ABTB3: variants seen among roughly 807,000 people sequenced by gnomAD.
The protein encoded by ABTB3 is ankyrin repeat and BTB domain containing 3, also known as ankyrin repeat- and BTB/POZ domain-containing protein 3.
chr12:107,435,873 G>T, the ABTB3 span, among the ~76,000 whole-genome samples: 1 of 152,176 alleles, frequency 6.6e-6, no homozygotes, highest in Admixed American at 6.5e-5. Context: ...CTGTATCTGT[G>T]CTGTCCAACA....
chr12:107,450,741 G>T, the ABTB3 span, among the ~76,000 whole-genome samples: 9 of 152,228 alleles, frequency 5.9e-5, no homozygotes, highest in East Asian at 1.7e-3. Flanking sequence ...TGGTTAGTCT[G>T]GTCTTTAGGC....
the ABTB3 span, among the ~76,000 whole-genome samples, chr12:107,489,522 AAAACAAAC>A: frequency 3.4e-3 from 511 of 152,132 alleles, 6 homozygotes; most frequent in African/African-American, 0.011. Context: ...CCATCTCACA[AAAACAAAC>A]AAACAAACAA....
the ABTB3 span, among the ~76,000 whole-genome samples, chr12:107,469,845 CTCTT>C: frequency 7.0e-6 from 1 of 143,622 alleles, no homozygotes; most frequent in East Asian, 2.1e-4. Context: ...TCCTTTCTCT[CTCTT>C]TCTCTTTCTT....
the ABTB3 span, among the ~76,000 whole-genome samples, chr12:107,536,180 T>C: frequency 1.3e-5 from 2 of 152,126 alleles, no homozygotes; most frequent in African/African-American, 4.8e-5. Flanking sequence ...GGAAACTGGA[T>C]ATCCATATCC....
the ABTB3 span, among the ~76,000 whole-genome samples, chr12:107,529,115 G>A: frequency 6.6e-6 from 1 of 150,956 alleles, no homozygotes; most frequent in Non-Finnish European, 1.5e-5. Flanking sequence ...TGACGGTGAT[G>A]ATTATGATGG....
At chr12:107,365,142 G>A in the ABTB3 span, among the ~76,000 whole-genome samples, 2 of 152,154 alleles carry the variant, frequency 1.3e-5, no homozygotes, top group African/African-American at 4.8e-5. Context: ...TCTTAGACTC[G>A]GTGACTTCAC....
chr12:107,611,079 C>G, the ABTB3 span, among the ~76,000 whole-genome samples: 1 of 152,136 alleles, frequency 6.6e-6, no homozygotes, highest in Admixed American at 6.6e-5. Context: ...TTGAGCAACA[C>G]CAAGGAGCTC....
the ABTB3 span, among the ~76,000 whole-genome samples, chr12:107,519,331 CTT>C: frequency 1.4e-5 from 2 of 140,066 alleles, no homozygotes; most frequent in African/African-American, 2.6e-5. Context: ...TTTTCTTTTT[CTT>C]TTTTTTTTTT....
chr12:107,350,788 G>T, the ABTB3 span, among the ~76,000 whole-genome samples: 1 of 152,266 alleles, frequency 6.6e-6, no homozygotes, highest in Admixed American at 6.5e-5. Flanking sequence ...GAGTGGCCTG[G>T]TATTGAACAT....
the ABTB3 span, among the ~76,000 whole-genome samples, chr12:107,338,704 G>A: frequency 2.6e-5 from 4 of 152,204 alleles, no homozygotes; most frequent in African/African-American, 9.6e-5. Flanking sequence ...GTCCCCTGTA[G>A]CCTCTAAGGC....
At chr12:107,488,866 G>C in the ABTB3 span, among the ~76,000 whole-genome samples, 1 of 152,050 alleles carries the variant, frequency 6.6e-6, no homozygotes, top group African/African-American at 2.4e-5. Flanking sequence ...AGAACAGTGT[G>C]TGTAGATGTT....
At chr12:107,351,262 G>A in the ABTB3 span, among the ~76,000 whole-genome samples, 1 of 152,142 alleles carries the variant, frequency 6.6e-6, no homozygotes, top group Non-Finnish European at 1.5e-5. Context: ...AGACCCAGAG[G>A]GTTTGAGTTA....
At chr12:107,493,391 C>T in the ABTB3 span, among the ~76,000 whole-genome samples, 8 of 152,208 alleles carry the variant, frequency 5.3e-5, no homozygotes, top group African/African-American at 1.9e-4. Context: ...GACAGACCCT[C>T]TGACAGCACT....
chr12:107,430,250 A>T, the ABTB3 span, among the ~76,000 whole-genome samples: 5 of 152,214 alleles, frequency 3.3e-5, no homozygotes, highest in South Asian at 1.0e-3. Context: ...TTTGTTGGAC[A>T]TTTAGATTGT....
the ABTB3 span, among the ~76,000 whole-genome samples, chr12:107,594,507 T>C: frequency 6.6e-6 from 1 of 152,222 alleles, no homozygotes; most frequent in Admixed American, 6.5e-5. Flanking sequence ...AAGTGTTACA[T>C]ACTCCATTTG....
the ABTB3 span, chr12:107,320,096 C>T: frequency 7.1e-7 from 1 of 1,413,204 alleles, no homozygotes; most frequent in Non-Finnish European, 9.4e-7. Flanking sequence ...GCGCGGGTGC[C>T]ACTCCCTCTC....
chr12:107,581,406 A>C, the ABTB3 span: 1 of 1,022,176 alleles, frequency 9.8e-7, no homozygotes, highest in African/African-American at 1.7e-5. Context: ...TGAGCCCCGC[A>C]CACCTCGGCG....
At chr12:107,591,596 A>G in the ABTB3 span, among the ~76,000 whole-genome samples, 1 of 152,250 alleles carries the variant, frequency 6.6e-6, no homozygotes. Flanking sequence ...TTACAATTCA[A>G]CATGAGATTT....
At chr12:107,524,888 G>C in the ABTB3 span, among the ~76,000 whole-genome samples, 1 of 152,218 alleles carries the variant, frequency 6.6e-6, no homozygotes, top group Non-Finnish European at 1.5e-5. Context: ...TTGCTCTGTA[G>C]GGTGCACTGT....
Sources: allele counts gnomAD v4.1 joint callset (sites outside exome capture counted in the v4.1 genomes callset), GRCh38; gene constraint gnomAD v4.1.1; transcripts MANE v1.5; gene names NCBI Gene and HGNC (gene_info 2026-07-23, HGNC 2026-07-21).